LIPC: variants seen among roughly 807,000 people sequenced by gnomAD.
The protein encoded by LIPC is hepatic triacylglycerol lipase.
LIPC carries 44 observed loss-of-function variants against 50.7 expected under a neutral mutation model. The ratio of observed to expected loss-of-function variants is 0.87; its 90% CI spans 0.68 to 1.11. The LOEUF is 1.11. LIPC is among the 50% of genes most tolerant of loss of function. The probability of loss-of-function intolerance (pLI) is 0.00; values close to 1 mark genes in which losing one functional copy is unlikely to be tolerated. For missense variants in LIPC, 697 were observed against 648.2 expected (o/e 1.08, Z -0.82); for synonymous variants, 271 against 256.4 (o/e 1.06, Z -0.54).
intron 1 of LIPC, among the ~76,000 whole-genome samples, chr15:58,516,237 CTTTTT>C (rs11351202): frequency 2.2e-5 from 1 of 45,134 alleles, no homozygotes; most frequent in African/African-American, 8.2e-5. Flanking sequence ...CCTCTAGCTT[CTTTTT>C]TTTTTTTTTT....
At chr15:58,563,873 A>C (rs1395174950) in intron 8 of LIPC, 150 bp downstream of exon 8, 4 of 746,266 alleles carry the variant, frequency 5.4e-6, no homozygotes, top group Non-Finnish European at 9.3e-6. Context: ...TGAAGTGACT[A>C]TCCCAACTTT....
chr15:58,553,038 T>C (rs1044093420), intron 6 of LIPC, among the ~76,000 whole-genome samples: 27 of 152,208 alleles, frequency 1.8e-4, no homozygotes, highest in African/African-American at 6.3e-4. Flanking sequence ...ATCACATTTT[T>C]ACAGCGACAC....
chr15:58,475,116 C>T (rs1890947162), intron 1 of LIPC, among the ~76,000 whole-genome samples: 1 of 152,202 alleles, frequency 6.6e-6, no homozygotes. Context: ...CCTTCCCCCA[C>T]CTCATGTGGT....
At chr15:58,481,484 G>C (rs1351490297) in intron 1 of LIPC, among the ~76,000 whole-genome samples, 1 of 152,186 alleles carries the variant, frequency 6.6e-6, no homozygotes, top group African/African-American at 2.4e-5. Flanking sequence ...ATATATCCAT[G>C]TACAAGAACA....
chr15:58,483,985 T>C (rs1283318406), intron 1 of LIPC, among the ~76,000 whole-genome samples: 1 of 152,216 alleles, frequency 6.6e-6, no homozygotes, highest in Non-Finnish European at 1.5e-5. Context: ...GGCTCTCTTC[T>C]TGGGGACTGA....
chr15:58,516,932 T>G (rs537077322), intron 1 of LIPC, among the ~76,000 whole-genome samples: 1 of 152,228 alleles, frequency 6.6e-6, no homozygotes, highest in Non-Finnish European at 1.5e-5. Flanking sequence ...TGCTGGGTAT[T>G]CCTACATTAT....
intron 1 of LIPC, among the ~76,000 whole-genome samples, chr15:58,526,555 G>A (rs1892804465): frequency 6.6e-6 from 1 of 152,202 alleles, no homozygotes; most frequent in Non-Finnish European, 1.5e-5. Flanking sequence ...CCAAGGAGGG[G>A]CCTCCTTTTC....
chr15:58,529,510 G>T (rs1318499987), intron 1 of LIPC, among the ~76,000 whole-genome samples: 1 of 152,216 alleles, frequency 6.6e-6, no homozygotes, highest in Admixed American at 6.5e-5. Context: ...CCATAGACAA[G>T]AGGATGCCCC....
At chr15:58,446,246 C>T (rs1233041324) in intron 1 of LIPC, among the ~76,000 whole-genome samples, 3 of 152,020 alleles carry the variant, frequency 2.0e-5, no homozygotes, top group African/African-American at 7.3e-5. Context: ...CTGTCACCCA[C>T]GCTGGAGTGC....
rs138862550 is a variant in LIPC at position 58,478,791 on chromosome 15, C to T, written c.88+46671C>T. ...TATAGTTCAGTGGGCAAAGGCCATG[C>T]ATGATTCTTCACACCTCCCACAATA... On this transcript the variant is annotated intron_variant, in intron 1 of 8. Transcript: ENST00000299022. Among the ~76,000 whole-genome samples the T allele has an allele frequency of 5.6e-3, 852 of 152,310 alleles. 4 individuals are homozygous for T. The highest frequency in any genetic ancestry group is 0.019 in the African/African-American group (803 of 41,556).
chr15:58,443,691 A>T (rs1225130476), intron 1 of LIPC, among the ~76,000 whole-genome samples: 1 of 152,198 alleles, frequency 6.6e-6, no homozygotes, highest in Non-Finnish European at 1.5e-5. Flanking sequence ...ACGCATGTGA[A>T]GAGACCACCA....
intron 1 of LIPC, among the ~76,000 whole-genome samples, chr15:58,515,044 G>T (rs776963657): frequency 1.3e-3 from 198 of 152,206 alleles, no homozygotes; most frequent in Non-Finnish European, 3.4e-4. Flanking sequence ...TACGTTCCTT[G>T]GCTTGTGGCT....
chr15:58,463,807 G>T (rs553425186), intron 1 of LIPC, among the ~76,000 whole-genome samples: 2 of 152,108 alleles, frequency 1.3e-5, no homozygotes, highest in Middle Eastern at 3.4e-3. Flanking sequence ...TCCAATAAAG[G>T]CATTCATCTC....
chr15:58,443,342 C>G (rs1280317944), intron 1 of LIPC, among the ~76,000 whole-genome samples: 1 of 152,152 alleles, frequency 6.6e-6, no homozygotes, highest in East Asian at 1.9e-4. Context: ...CTCAGTGGCC[C>G]AAGGGGAAAA....
chr15:58,545,706 G>C, intron 4 of LIPC, 36 bp from the exon 5 acceptor site: 2 of 1,564,062 alleles, frequency 1.3e-6, no homozygotes, highest in Non-Finnish European at 8.8e-7. Flanking sequence ...CCCTCTCCTT[G>C]CTCCTGCGTA....
chr15:58,565,412 G>A, intron 8 of LIPC: 1 of 1,459,282 alleles, frequency 6.9e-7, no homozygotes, highest in South Asian at 1.4e-5. Flanking sequence ...TCTCCACTGG[G>A]GCACACCCAT....
intron 1 of LIPC, among the ~76,000 whole-genome samples, chr15:58,475,053 G>T (rs1290457894): frequency 6.6e-6 from 1 of 152,172 alleles, no homozygotes; most frequent in African/African-American, 2.4e-5. Flanking sequence ...ACCCTGAGAG[G>T]CCTTCCCCAA....
rs1277921141 is a variant in LIPC, at chr15:58,435,847, G to T, written c.88+3727G>T. On this transcript the variant is annotated intron_variant, in intron 1 of 8. Coordinates refer to ENST00000299022, the MANE Select transcript of LIPC (RefSeq NM_000236.3). Reference sequence around the variant, plus strand: ...AATTGCTTGAACCCGGGAGGCAGAGGTTGCAATGAGCCGAGATGGCGCCGT... The same window carrying T: ...AATTGCTTGAACCCGGGAGGCAGAGTTTGCAATGAGCCGAGATGGCGCCGT... 5 of 152,312 alleles carry T rather than the reference G, an allele frequency of 3.3e-5. No individual in the cohort carries two copies. In the East Asian group the frequency reaches 9.7e-4, roughly 29 times the overall value. 9.4% of individuals were successfully genotyped at this position (152,312 alleles called of 1,614,324 possible). A position where few individuals can be genotyped will look rare whatever the true frequency, so the allele number is the denominator to read the frequency against.
intron 1 of LIPC, among the ~76,000 whole-genome samples, chr15:58,508,355 T>A (rs1230134237): frequency 6.6e-6 from 1 of 152,054 alleles, no homozygotes; most frequent in Non-Finnish European, 1.5e-5. Flanking sequence ...CACCCCATAG[T>A]CAAATTAAGC....
Sources: gnomAD v4.1 joint callset for allele counts (sites outside exome capture counted in the v4.1 genomes callset) on GRCh38, gnomAD v4.1.1 for gene constraint, MANE v1.5 for transcripts, NCBI Gene and HGNC (gene_info 2026-07-23, HGNC 2026-07-21) for gene names.